RAPGEF4: variants seen among roughly 807,000 people sequenced by gnomAD.
RAPGEF4 encodes the protein Rap guanine nucleotide exchange factor 4, also known as RAP guanine-nucleotide-exchange factor (GEF) 4.
In RAPGEF4, 66 loss-of-function variants were observed where a neutral mutation model predicts 147.9. The ratio of observed to expected loss-of-function variants is 0.45; its 90% CI spans 0.37 to 0.55. RAPGEF4 has a LOEUF of 0.55. Ranked by LOEUF, RAPGEF4 falls within the 20% of genes least tolerant of loss-of-function variation. The pLI is 0.00. For synonymous variants in RAPGEF4, 419 were observed against 442.7 expected, an observed-to-expected ratio of 0.95 and a Z score of 0.67; for missense variants, 1,071 against 1,257.3, an observed-to-expected ratio of 0.85 and a Z score of 2.24.
chr2:172,822,981 C>G (rs192949939), intron 4 of RAPGEF4, among the ~76,000 whole-genome samples: 1 of 152,224 alleles, frequency 6.6e-6, no homozygotes, highest in African/African-American at 2.4e-5. Context: ...TGCCCTCTGT[C>G]TGCTTTTCTG....
chr2:173,007,386 G>A (rs1694588497), intron 17 of RAPGEF4, among the ~76,000 whole-genome samples: 1 of 152,192 alleles, frequency 6.6e-6, no homozygotes. Context: ...CTCAAAGTTA[G>A]TAGGTACACA....
intron 23 of RAPGEF4, among the ~76,000 whole-genome samples, chr2:173,023,677 C>T (rs964652633): frequency 7.2e-5 from 11 of 152,194 alleles, no homozygotes; most frequent in African/African-American, 2.7e-4. Flanking sequence ...GACCAGCATC[C>T]ACGACTAAAA....
chr2:172,849,699 C>T (rs973651216), intron 4 of RAPGEF4, among the ~76,000 whole-genome samples: 3 of 152,194 alleles, frequency 2.0e-5, no homozygotes, highest in Admixed American at 1.3e-4. Flanking sequence ...AAGACACTAT[C>T]TTGATGCTTG....
In RAPGEF4 at chr2:173,048,652, T is replaced by G; in HGVS notation, c.2906T>G (p.Phe969Cys). Residue 969 changes from phenylalanine to cysteine, a missense_variant and splice_region_variant, in exon 30 of 31, where the codon TTC becomes TGC. Transcript: ENST00000397081. The part of the protein sequence containing the change: ...RTVRYYRSQP[F>C]NPDAAQANKN... The stretch of plus-strand genomic sequence containing the variant: ...GTGAGATACTACAGGAGCCAACCCT[T>G]CAGTAAGTTAAGTGCTGCCACCTCT... 6.2e-7 allele frequency: 1 copy of G among 1,614,146 alleles called. No homozygotes were observed. Among genetic ancestry groups the G allele is most frequent in the Non-Finnish European group, 8.5e-7 (1 of 1,180,006 alleles).
intron 6 of RAPGEF4, among the ~76,000 whole-genome samples, chr2:172,926,056 AGGG>A (rs1685327085): frequency 3.3e-5 from 2 of 59,708 alleles, no homozygotes; most frequent in African/African-American, 6.8e-5. Flanking sequence ...GGAGGGAGGG[AGGG>A]AGGGAAGTCA....
In RAPGEF4 at chr2:172,795,618, T is replaced by A. The variant is rs547384726; in HGVS notation, c.208+451T>A. 6.6e-5 allele frequency among the ~76,000 whole-genome samples: 10 copies of A among 152,352 alleles called. No homozygotes were observed. In the East Asian group the frequency reaches 1.2e-3, roughly 18 times the overall value. ...GAGATAGAGTAACAGTTGGATTTTT[T>A]AAAAAGTATTTTTTCATTAAAGAAG... On this transcript the variant is annotated intron_variant, in intron 2 of 30. Coordinates refer to ENST00000397081, the MANE Select transcript of RAPGEF4 (RefSeq NM_007023.4).
intron 10 of RAPGEF4, among the ~76,000 whole-genome samples, chr2:172,979,312 C>G (rs1691427488): frequency 1.3e-5 from 2 of 152,202 alleles, no homozygotes; most frequent in South Asian, 2.1e-4. Flanking sequence ...ACTGCCATCT[C>G]CCTTGGGCAG....
chr2:172,773,231 C>A (rs1683810277), intron 1 of RAPGEF4, among the ~76,000 whole-genome samples: 2 of 152,092 alleles, frequency 1.3e-5, no homozygotes, highest in African/African-American at 4.8e-5. Context: ...AATAATCATG[C>A]CACATGTGTA....
intron 1 of RAPGEF4, among the ~76,000 whole-genome samples, chr2:172,767,588 T>C (rs1696972657): frequency 6.6e-6 from 1 of 152,184 alleles, no homozygotes; most frequent in African/African-American, 2.4e-5. Context: ...AAAAATAACC[T>C]AAAGATGGAA....
intron 30 of RAPGEF4, 125 bp downstream of exon 30, chr2:173,048,779 G>T: frequency 2.1e-5 from 31 of 1,496,334 alleles, no homozygotes; most frequent in Non-Finnish European, 2.7e-5. Flanking sequence ...TTTGGACCAT[G>T]AATTCCATGA....
intron 1 of RAPGEF4, among the ~76,000 whole-genome samples, chr2:172,748,508 C>T (rs1597648): frequency 0.12 from 17,785 of 152,076 alleles, 1,267 homozygotes; most frequent in African/African-American, 0.2. Flanking sequence ...TTATCCACTA[C>T]CACAAGAACA....
intron 6 of RAPGEF4, among the ~76,000 whole-genome samples, chr2:172,940,829 T>C (rs1277924203): frequency 1.3e-5 from 2 of 152,270 alleles, no homozygotes; most frequent in East Asian, 3.9e-4. Flanking sequence ...ACTGACGTCT[T>C]AACAGTATTG....
intron 1 of RAPGEF4, among the ~76,000 whole-genome samples, chr2:172,787,705 A>G (rs1685359897): frequency 6.6e-6 from 1 of 151,910 alleles, no homozygotes; most frequent in South Asian, 2.1e-4. Context: ...TTGCAGCCTC[A>G]ACCTCCTGGG....
intron 5 of RAPGEF4, 21 bp downstream of exon 5, chr2:172,917,895 T>A (rs756719726): frequency 5.6e-6 from 9 of 1,602,260 alleles, no homozygotes; most frequent in Non-Finnish European, 7.7e-6. Context: ...AATGTGAACA[T>A]TTTGTATCTA....
At chr2:172,910,846 C>T (rs1257887149) in intron 4 of RAPGEF4, among the ~76,000 whole-genome samples, 1 of 152,222 alleles carries the variant, frequency 6.6e-6, no homozygotes, top group Non-Finnish European at 1.5e-5. Context: ...TGGGAAGTCA[C>T]ACAGCATCAC....
chr2:172,898,518 C>T (rs754414384), intron 4 of RAPGEF4, among the ~76,000 whole-genome samples: 5 of 152,196 alleles, frequency 3.3e-5, no homozygotes, highest in African/African-American at 4.8e-5. Flanking sequence ...CATCTTCCGT[C>T]ATTGCAAATC....
chr2:172,934,560 C>G (rs971548047), intron 6 of RAPGEF4, among the ~76,000 whole-genome samples: 2 of 152,122 alleles, frequency 1.3e-5, no homozygotes, highest in Non-Finnish European at 2.9e-5. Flanking sequence ...TTATTGATTT[C>G]AAAGAGCAAA....
At chr2:172,808,205 A>T (rs1574905952) in intron 3 of RAPGEF4, among the ~76,000 whole-genome samples, 1 of 152,362 alleles carries the variant, frequency 6.6e-6, no homozygotes, top group East Asian at 1.9e-4. Context: ...TATATTTACA[A>T]TGAAACAAAT....
rs1366985824 is a variant in RAPGEF4, at chr2:172,949,178, C to A, written c.538-11582C>A. The stretch of plus-strand genomic sequence containing the variant: ...AAGAGGAAAAATTCTTTTCATGCCA[C>A]TTCCAGCTAAAAACTCCTCAGAGAT... On this transcript the variant is annotated intron_variant, in intron 6 of 30. Coordinates refer to ENST00000397081, the MANE Select transcript of RAPGEF4 (RefSeq NM_007023.4). Among the ~76,000 whole-genome samples the A allele has an allele frequency of 2.6e-5, 4 of 152,306 alleles. No homozygotes were observed. In the South Asian group the frequency reaches 8.3e-4, roughly 32 times the overall value.
Sources: gnomAD v4.1 joint callset for allele counts (sites outside exome capture counted in the v4.1 genomes callset) on GRCh38, gnomAD v4.1.1 for gene constraint, MANE v1.5 for transcripts, NCBI Gene and HGNC (gene_info 2026-07-23, HGNC 2026-07-21) for gene names.